DACH1: variants seen among roughly 807,000 people sequenced by gnomAD.
The protein encoded by DACH1 is dachshund family transcription factor 1, also known as dachshund homolog 1.
A neutral mutation model predicts 54.2 loss-of-function variants in DACH1; 12 were observed. The ratio of observed to expected loss-of-function variants is 0.22; its 90% confidence interval spans 0.14 to 0.36. The LOEUF is 0.36. Ranked by LOEUF, DACH1 falls within the 10% of genes least tolerant of loss-of-function variation. DACH1 has a pLI of 1.00. For missense variants in DACH1, 805 were observed against 929.8 expected (o/e 0.87, Z 1.75); for synonymous variants, 386 against 366.2 (o/e 1.05, Z -0.62).
chr13:71,673,545 G>A (rs1055843380), intron 2 of DACH1, among the ~76,000 whole-genome samples: 1 of 151,722 alleles, frequency 6.6e-6, no homozygotes, highest in Non-Finnish European at 1.5e-5. Flanking sequence ...TGCAGGAATT[G>A]TAAAGAGTAA....
chr13:71,469,363 A>T (rs922529808), intron 10 of DACH1, among the ~76,000 whole-genome samples: 1 of 152,188 alleles, frequency 6.6e-6, no homozygotes, highest in Non-Finnish European at 1.5e-5. Context: ...TAAGAAAAAA[A>T]AAAGCTTGCT....
chr13:71,847,995 T>C (rs1251333113), intron 1 of DACH1, among the ~76,000 whole-genome samples: 1 of 152,172 alleles, frequency 6.6e-6, no homozygotes, highest in Non-Finnish European at 1.5e-5. Flanking sequence ...TGGTCATATC[T>C]CTCAAAATCA....
chr13:71,475,337 T>A (rs751170527), intron 9 of DACH1, 128 bp from the exon 10 acceptor site: 5 of 828,986 alleles, frequency 6.0e-6, no homozygotes, highest in Non-Finnish European at 9.7e-6. Context: ...CTTTTAAAGG[T>A]TGAACAAAAA....
chr13:71,709,804 A>T (rs1566449307), intron 1 of DACH1, among the ~76,000 whole-genome samples: 1 of 152,226 alleles, frequency 6.6e-6, no homozygotes, highest in Non-Finnish European at 1.5e-5. Flanking sequence ...TACACCCTGC[A>T]GATAAGGGAA....
chr13:71,692,506 CTTTTTTTTTTTTTTTTTT>C (rs398023338), intron 1 of DACH1, among the ~76,000 whole-genome samples: 58 of 44,438 alleles, frequency 1.3e-3, no homozygotes, highest in African/African-American at 6.2e-3. Context: ...CTTTTCTTTC[CTTTTTTTTTTTTTTTTTT>C]TTTTTTTTTT....
chr13:71,676,784 C>T (rs112638571), intron 2 of DACH1, among the ~76,000 whole-genome samples: 3,609 of 152,032 alleles, frequency 0.024, 144 homozygotes, highest in African/African-American at 0.081. Flanking sequence ...TTTTCCAAAA[C>T]GATAAATTTG....
At chr13:71,612,621 A>G (rs75511365) in intron 3 of DACH1, among the ~76,000 whole-genome samples, 5,184 of 152,282 alleles carry the variant, frequency 0.034, 126 homozygotes, top group East Asian at 0.059. Context: ...CTGGGATTCA[A>G]GTTACTCATC....
intron 1 of DACH1, among the ~76,000 whole-genome samples, chr13:71,787,203 C>T (rs1029875721): frequency 6.6e-6 from 1 of 152,130 alleles, no homozygotes; most frequent in Non-Finnish European, 1.5e-5. Context: ...AAAACTCCAG[C>T]GTGCTTACAT....
At chr13:71,717,965 G>C (rs1883055787) in intron 1 of DACH1, among the ~76,000 whole-genome samples, 1 of 151,708 alleles carries the variant, frequency 6.6e-6, no homozygotes, top group African/African-American at 2.4e-5. Flanking sequence ...ACCAATGAGA[G>C]CATGTCACTC....
intron 1 of DACH1, chr13:71,704,636 C>T (rs1296414793): frequency 5.1e-6 from 2 of 390,816 alleles, no homozygotes; most frequent in African/African-American, 2.2e-5. Flanking sequence ...GAACCTCTTC[C>T]CTGTGGATTC....
At chr13:71,541,845 T>G (rs1302066349) in intron 6 of DACH1, among the ~76,000 whole-genome samples, 1 of 151,860 alleles carries the variant, frequency 6.6e-6, no homozygotes, top group African/African-American at 2.4e-5. Flanking sequence ...TGGAGCTTTT[T>G]AAACATTTAA....
chr13:71,813,880 G>A (rs1887813783), intron 1 of DACH1, among the ~76,000 whole-genome samples: 1 of 152,178 alleles, frequency 6.6e-6, no homozygotes, highest in Non-Finnish European at 1.5e-5. Context: ...CTAAAGAGAT[G>A]AAGATATCTA....
At chr13:71,847,342 T>A (rs185609128) in intron 1 of DACH1, among the ~76,000 whole-genome samples, 99 of 152,316 alleles carry the variant, frequency 6.5e-4, no homozygotes, top group Non-Finnish European at 1.3e-3. Flanking sequence ...TTGCAAGTAA[T>A]TCAATAATAT....
intron 1 of DACH1, among the ~76,000 whole-genome samples, chr13:71,835,573 C>T (rs1888751494): frequency 2.0e-5 from 3 of 152,038 alleles, no homozygotes; most frequent in African/African-American, 7.2e-5. Context: ...GTGATTGATC[C>T]TTTATGTATT....
intron 5 of DACH1, 84 bp downstream of exon 5, chr13:71,559,736 T>G (rs1180784560): frequency 6.5e-7 from 1 of 1,543,168 alleles, no homozygotes; most frequent in Non-Finnish European, 8.9e-7. Flanking sequence ...TGAGATCTAT[T>G]TGGAATGAGG....
At chr13:71,662,210 G>A (rs979741116) in intron 2 of DACH1, among the ~76,000 whole-genome samples, 8 of 151,996 alleles carry the variant, frequency 5.3e-5, no homozygotes, top group Non-Finnish European at 1.0e-4. Flanking sequence ...TGTTGGCAAC[G>A]GTACACAGAG....
intron 6 of DACH1, among the ~76,000 whole-genome samples, chr13:71,509,745 CTCT>C (rs1192090305): frequency 6.6e-6 from 1 of 152,072 alleles, no homozygotes; most frequent in African/African-American, 2.4e-5. Flanking sequence ...GACTCTTCTG[CTCT>C]TAACTAAATA....
intron 3 of DACH1, among the ~76,000 whole-genome samples, chr13:71,609,773 C>T (rs1024581466): frequency 2.6e-5 from 4 of 152,202 alleles, no homozygotes; most frequent in African/African-American, 7.2e-5. Flanking sequence ...GTGATCCACC[C>T]GCCTCAGCCT....
chr13:71,856,642 C>T (rs17791187), intron 1 of DACH1, among the ~76,000 whole-genome samples: 5,681 of 151,774 alleles, frequency 0.037, 126 homozygotes, highest in Middle Eastern at 0.078. Flanking sequence ...ATTCCATAAG[C>T]TTTAGATGAA....
Sources: gnomAD v4.1 joint callset for allele counts (sites outside exome capture counted in the v4.1 genomes callset) on GRCh38, gnomAD v4.1.1 for gene constraint, MANE v1.5 for transcripts, NCBI Gene and HGNC (gene_info 2026-07-23, HGNC 2026-07-21) for gene names.